Variants in PICALM observed in about 807,000 individuals in gnomAD.
PICALM encodes phosphatidylinositol-binding clathrin assembly protein.
In PICALM, 40 loss-of-function variants were observed where a neutral mutation model predicts 80.5. The ratio of observed to expected loss-of-function variants is 0.50; its 90% CI spans 0.39 to 0.65. PICALM has a LOEUF of 0.65. Ranked by LOEUF, PICALM falls within the 30% of genes least tolerant of loss-of-function variation. The probability of loss-of-function intolerance (pLI) is 0.00; values close to 1 mark genes in which losing one functional copy is unlikely to be tolerated. For synonymous variants in PICALM, 288 were observed against 260.3 expected, an observed-to-expected ratio of 1.11 and a Z score of -1.02; for missense variants, 676 against 778.9, an observed-to-expected ratio of 0.87 and a Z score of 1.57.
At chr11:86,027,451 T>C (rs1029805783) in intron 2 of PICALM, among the ~76,000 whole-genome samples, 4 of 152,012 alleles carry the variant, frequency 2.6e-5, no homozygotes, top group African/African-American at 9.7e-5. Flanking sequence ...TTAATGCATG[T>C]AGAGGCTAAT....
At chr11:86,064,734 C>A (rs2096418854) in intron 1 of PICALM, among the ~76,000 whole-genome samples, 1 of 149,998 alleles carries the variant, frequency 6.7e-6, no homozygotes, top group Admixed American at 6.6e-5. Context: ...TATAAATGTC[C>A]AACGATAGTA....
rs1312817979 is a variant in PICALM, at chr11:85,974,821, G to T, written c.1840-9C>A. 4 of 1,566,144 alleles carry T rather than the reference G, an allele frequency of 2.6e-6. No individual in the cohort carries two copies. Among genetic ancestry groups the T allele is most frequent in the Non-Finnish European group, 3.5e-6 (4 of 1,136,422 alleles). On this transcript the variant is annotated splice_polypyrimidine_tract_variant and intron_variant, in intron 18 of 19. Transcript: ENST00000393346. ...CTTCCCATTTGTGGAGGCTAAAAAAGAGAAAAATATCAAAAGATACTGACT... is the reference window on the plus strand; with the variant it reads ...CTTCCCATTTGTGGAGGCTAAAAAATAGAAAAATATCAAAAGATACTGACT...
At position 86,068,687 on chromosome 11, in the gene PICALM, G is replaced by C. The variant is rs773948451; in HGVS notation, c.94C>G (p.His32Asp). 6.2e-7 allele frequency: 1 copy of C among 1,613,464 alleles called. No individual in the cohort carries two copies. The highest frequency in any genetic ancestry group is 8.5e-7 in the Non-Finnish European group (1 of 1,179,754). The part of the protein sequence containing the change: ...VSKTVCKATT[H>D]EIMGPKKKHL... ...TTTTTCTTGGGCCCCATGATCTCGT[G>C]GGTCGTGGCCTTGCATACTGTCTTG... The change falls in exon 1 of 20, where the codon CAC becomes GAC. Residue 32 changes from histidine (H) to aspartate (D), a missense_variant. By Grantham distance (81) the His-to-Asp change is moderately conservative. Coordinates refer to ENST00000393346, the MANE Select transcript of PICALM (RefSeq NM_007166.4).
rs187899271 is a variant in PICALM, at chr11:85,995,088, C to T, written c.1258+1738G>A. On this transcript the variant is annotated intron_variant, in intron 12 of 19. Transcript: ENST00000393346. ...TAAAAATTAAAAAAAATATATCGAT[C>T]TGATTGTCCTGGATATGAGTACTGA... Among the ~76,000 whole-genome samples, 557 of 152,222 alleles carry T rather than the reference C, an allele frequency of 3.7e-3. 2 individuals are homozygous for T. The highest frequency in any genetic ancestry group is 4.4e-3 in the Admixed American group (67 of 15,280).
At chr11:86,002,400 T>A (rs2095168609) in intron 9 of PICALM, among the ~76,000 whole-genome samples, 1 of 152,182 alleles carries the variant, frequency 6.6e-6, no homozygotes, top group South Asian at 2.1e-4. Flanking sequence ...CTTCATGCTG[T>A]TTTAAAAAAA....
At chr11:86,031,364 C>T (rs1479827134) in intron 2 of PICALM, 105 bp downstream of exon 2, 2 of 816,450 alleles carry the variant, frequency 2.4e-6, no homozygotes, top group Non-Finnish European at 3.7e-6. Flanking sequence ...TGGCTAGGCA[C>T]CTTGACCTTT....
In PICALM at chr11:85,982,245, G is replaced by C. The variant is rs540332254; in HGVS notation, c.1517-242C>G. ...TTATCTCATGACAAAATTACATTAG[G>C]GTTAAAGGGGATAAGAGAGAAGTAT... On this transcript the variant is annotated intron_variant, in intron 14 of 19. Transcript: ENST00000393346. 71 of 429,106 alleles carry C rather than the reference G, an allele frequency of 1.7e-4. 1 individual carries two copies. The highest frequency in any genetic ancestry group is 1.3e-3 in the African/African-American group (66 of 50,378). The allele number at this position is 429,106 out of a possible 1,614,324, so 26.6% of individuals were successfully genotyped here.
intron 19 of PICALM, among the ~76,000 whole-genome samples, chr11:85,959,633 CAAAAAAAAAA>C (rs1161064257): frequency 4.4e-5 from 2 of 45,204 alleles, no homozygotes; most frequent in East Asian, 8.7e-4. Flanking sequence ...AACTCCATCT[CAAAAAAAAAA>C]AAAAAAAAAA....
intron 9 of PICALM, among the ~76,000 whole-genome samples, chr11:86,003,019 G>GA (rs137860500): frequency 0.053 from 7,920 of 148,432 alleles, 348 homozygotes; most frequent in African/African-American, 0.13. Context: ...CTCGGGGGAA[G>GA]AAAAAAAAAA....
At chr11:86,037,048 C>T (rs1304333343) in intron 1 of PICALM, among the ~76,000 whole-genome samples, 3 of 151,412 alleles carry the variant, frequency 2.0e-5, no homozygotes, top group African/African-American at 7.3e-5. Flanking sequence ...CAGGTTCAAG[C>T]GATTCTCCTG....
chr11:86,020,243 C>G (rs655641), intron 4 of PICALM, among the ~76,000 whole-genome samples: 123,618 of 151,910 alleles, frequency 0.81, 50,484 homozygotes, highest in African/African-American at 0.88. Context: ...TAAACAGAAA[C>G]ACATCTCTTG....
At position 86,023,593 on chromosome 11, in the gene PICALM, T is replaced by C. The variant is rs79590952; in HGVS notation, c.350-1124A>G. The C allele has an allele frequency of 6.2e-5, 61 of 983,578 alleles. No homozygotes were observed. The African/African-American group carries it at 8.2e-4, about 13-fold the overall frequency. The allele number at this position is 983,578 out of a possible 1,614,324, so 60.9% of individuals were successfully genotyped here. A position where few individuals can be genotyped will look rare whatever the true frequency, so the allele number is the denominator to read the frequency against. ...CACCTTACCACTAGAATTGCTTAAT[T>C]TCCATCTTAAGAAAATGATAAATCA... On this transcript the variant is annotated intron_variant, in intron 3 of 19. Transcript: ENST00000393346.
Position 86,000,757 on chromosome 11 carries a change from G to T in PICALM, c.1040C>A (p.Ala347Glu), listed in dbSNP as rs760024067. The T allele has an allele frequency of 5.6e-6, 9 of 1,613,038 alleles. No homozygotes were observed. The African/African-American group carries it at 8.0e-5, about 14-fold the overall frequency. The change falls in exon 11 of 20, where the codon GCA becomes GAA. Residue 347 changes from alanine to glutamate, a missense_variant. Around this residue, in one of 2 missense-constraint regions of PICALM, gnomAD observed 391 missense variants for 383.6 expected, o/e 1.02. Coordinates refer to ENST00000393346, the MANE Select transcript of PICALM (RefSeq NM_007166.4). ...TGTTAAAGAGGTATGAGGTTTCTTT[G>T]CAAGTTCTTTTAGGCGCTGTTCCTG... ...ALKEQRLKEL[A>E]KKPHTSLTTA...
intron 17 of PICALM, among the ~76,000 whole-genome samples, chr11:85,979,498 A>C (rs2094377604): frequency 6.6e-6 from 1 of 152,104 alleles, no homozygotes; most frequent in Non-Finnish European, 1.5e-5. Context: ...ACAAAAAAAA[A>C]AAAAATACAA....
intron 13 of PICALM, among the ~76,000 whole-genome samples, chr11:85,989,030 C>T (rs1009191394): frequency 6.6e-6 from 1 of 152,158 alleles, no homozygotes; most frequent in Non-Finnish European, 1.5e-5. Context: ...ATGTACAATT[C>T]AGTGTTCTTA....
intron 2 of PICALM, among the ~76,000 whole-genome samples, chr11:86,031,086 T>C (rs990188995): frequency 1.3e-5 from 2 of 152,128 alleles, no homozygotes; most frequent in African/African-American, 4.8e-5. Flanking sequence ...CCACTGCACC[T>C]CAGCCTGGGC....
At position 86,038,224 on chromosome 11, in the gene PICALM, A is replaced by G. The variant is rs377395478; in HGVS notation, c.131-6613T>C. Among the ~76,000 whole-genome samples the G allele has an allele frequency of 3.0e-3, 452 of 151,942 alleles. 3 individuals are homozygous for G. The highest frequency in any genetic ancestry group is 0.01 in the African/African-American group (434 of 41,468). ...AATCCCAGCTACTTGGGAGGCTGAC[A>G]CAGGAGAATCGCTTGAACCCAGGAG... On this transcript the variant is annotated intron_variant, in intron 1 of 19. Coordinates refer to ENST00000393346, the MANE Select transcript of PICALM (RefSeq NM_007166.4).
chr11:86,055,507 C>T (rs2096255262), intron 1 of PICALM, among the ~76,000 whole-genome samples: 1 of 122,492 alleles, frequency 8.2e-6, no homozygotes, highest in South Asian at 2.5e-4. Context: ...AAAGAATGAC[C>T]CAAATAATTC....
intron 8 of PICALM, chr11:86,003,714 G>T (rs1421052535): frequency 3.7e-6 from 1 of 270,654 alleles, no homozygotes; most frequent in African/African-American, 2.2e-5. Flanking sequence ...TAAAAATCTT[G>T]CAAGTACTTA....
Sources: allele counts gnomAD v4.1 joint callset (sites outside exome capture counted in the v4.1 genomes callset), GRCh38; gene constraint gnomAD v4.1.1; regional missense constraint gnomAD v4.1.1; transcripts MANE v1.5; gene names NCBI Gene and HGNC (gene_info 2026-07-23, HGNC 2026-07-21).